The following TTN variants were observed in gnomAD, a reference collection of about 807,000 sequenced individuals.
TTN encodes connectin.
TTN carries 1,525 observed loss-of-function variants against 3,223.0 expected under a neutral mutation model. The observed-to-expected ratio is 0.47, with a 90% CI of 0.45 to 0.49. TTN has a LOEUF of 0.49. Ranked by LOEUF, TTN falls within the 20% of genes least tolerant of loss-of-function variation. The pLI, the probability that TTN is intolerant of heterozygous loss-of-function variation, is 0.00. For synonymous variants in TTN, 14,094 were observed against 15,161.0 expected (o/e 0.93, Z 5.17); for missense variants, 40,786 against 43,424.0 (o/e 0.94, Z 5.40).
chr2:178,769,666 T>TC lies in TTN; in HGVS notation c.8902+12_8902+13insG, dbSNP rs2091170311. ...ATATATGTGTATATATATATATATA[T>TC]TTTTTAACTTACGGGTGACTGTCAG... On this transcript the variant is annotated intron_variant, in intron 37 of 362. Transcript: ENST00000589042. 6.3e-7 allele frequency: 1 copy of TC among 1,582,114 alleles called. No individual in the cohort carries two copies. Among genetic ancestry groups the TC allele is most frequent in the Non-Finnish European group, 8.6e-7 (1 of 1,156,282 alleles).
At chr2:178,685,635 G>A (rs1164299979) in intron 127 of TTN, 37 bp from the exon 128 acceptor site, 11 of 1,588,044 alleles carry the variant, frequency 6.9e-6, no homozygotes, top group African/African-American at 1.3e-5. Flanking sequence ...ATAAATTACA[G>A]TGTTTTTCAT....
At position 178,568,452 on chromosome 2, in the gene TTN, G is replaced by A; in HGVS notation, c.77680C>T (p.Pro25894Ser). 1 of 1,613,278 alleles carries A rather than the reference G, an allele frequency of 6.2e-7. No homozygotes were observed. The highest frequency in any genetic ancestry group is 8.5e-7 in the Non-Finnish European group (1 of 1,179,552). Residue 25894 changes from proline (P) to serine (S), a missense_variant, in exon 326 of 363, where the codon CCA (proline) becomes TCA (serine). Pro to Ser is a moderately conservative substitution (Grantham distance 74). Coordinates refer to ENST00000589042, the MANE Select transcript of TTN (RefSeq NM_001267550.2). ...EIVTLDKPDP[P>S]KGPVKFDDVS... ...TCATCAAATTTAACAGGTCCTTTTG[G>A]AGGATCAGGTTTATCTAGAGTTACA...
chr2:178,687,446 G>A (rs1447407458), intron 127 of TTN, among the ~76,000 whole-genome samples: 2 of 146,112 alleles, frequency 1.4e-5, no homozygotes, highest in Non-Finnish European at 3.0e-5. Flanking sequence ...TGAGTAACAA[G>A]TCAGTCTGAT....
Position 178,712,437 on chromosome 2 carries a change from G to T in TTN, c.27485C>A (p.Thr9162Lys). 1 of 1,613,744 alleles carries T rather than the reference G, an allele frequency of 6.2e-7. No homozygotes were observed. Among genetic ancestry groups the T allele is most frequent in the South Asian group, 1.1e-5 (1 of 91,070 alleles). Residue 9162 changes from threonine to lysine, a missense_variant, in exon 95 of 363, where the codon ACG (threonine) becomes AAG (lysine). By Grantham distance (78) the Thr-to-Lys change is moderately conservative. Transcript: ENST00000589042. ...VTPSQRCNIT[T>K]TEKSAILEIP... ...TTCCAGGATTGCCGATTTTTCAGTC[G>T]TAGTTATATTACACCTCTGAGAAGG...
intron 240 of TTN, among the ~76,000 whole-genome samples, chr2:178,626,632 T>C (rs1004471091): frequency 6.6e-6 from 1 of 151,922 alleles, no homozygotes; most frequent in Non-Finnish European, 1.5e-5. Context: ...ATCTTAATAA[T>C]TGAGAGTGGC....
At chr2:178,671,924 T>C in intron 155 of TTN, 47 bp downstream of exon 155, 1 of 1,561,972 alleles carries the variant, frequency 6.4e-7, no homozygotes, top group South Asian at 1.2e-5. Flanking sequence ...CAAAGGAAAG[T>C]TAGAGCAAGA....
intron 47 of TTN, chr2:178,751,607 A>G: frequency 2.5e-6 from 4 of 1,613,190 alleles, no homozygotes; most frequent in Non-Finnish European, 2.5e-6. Flanking sequence ...CCCTTTTTGG[A>G]TAACAAGCAA....
In TTN at chr2:178,664,504, T is replaced by C; in HGVS notation, c.36236A>G (p.Lys12079Arg). 4 of 1,612,328 alleles carry C rather than the reference T, an allele frequency of 2.5e-6. No individual in the cohort carries two copies. Among genetic ancestry groups the C allele is most frequent in the Non-Finnish European group, 2.5e-6 (3 of 1,179,504 alleles). The change falls in exon 168 of 363, where the codon AAG (lysine) becomes AGG (arginine). Residue 12079 changes from lysine (K) to arginine (R), a missense_variant. Physicochemically the swap from Lys to Arg is conservative, Grantham distance 26. Transcript: ENST00000589042. ...PEALREVVPE[K>R]KVHPPQRAEV... is the part of the protein sequence containing the mutation. ...AGCCCTTTGGGGAGGATGCACTTTC[T>C]TTTCCGGGACAACTTCTCTGAGAGC...
rs1688350064 is a variant in TTN at position 178,530,001 on chromosome 2, G to A, written c.106490C>T (p.Ser35497Leu). 4.4e-6 allele frequency: 7 copies of A among 1,603,474 alleles called. No homozygotes were observed. Among genetic ancestry groups the A allele is most frequent in the Non-Finnish European group, 4.2e-6 (5 of 1,177,532 alleles). ...SGLYTCTVKN[S>L]AGSVSSSCKL... ...GCAGCTAGAGGACACAGATCCAGCT[G>A]AATTTTTTACTGTACAAGTATAAAG... Residue 35497 changes from serine (S) to leucine (L), a missense_variant, in exon 359 of 363, where the codon TCA (serine) becomes TTA (leucine). Ser to Leu is a moderately radical substitution (Grantham distance 145, BLOSUM62 -2). Coordinates refer to ENST00000589042, the MANE Select transcript of TTN (RefSeq NM_001267550.2).
rs2154137464 is a variant in TTN, at chr2:178,536,433, T to C, written c.100314A>G (p.Lys33438=). 1 of 1,612,866 alleles carries C rather than the reference T, an allele frequency of 6.2e-7. No individual in the cohort carries two copies. The highest frequency in any genetic ancestry group is 8.5e-7 in the Non-Finnish European group (1 of 1,179,224). The change falls in exon 357 of 363, where the codon AAA becomes AAG. Residue 33438 remains lysine, a synonymous_variant. Coordinates refer to ENST00000589042, the MANE Select transcript of TTN (RefSeq NM_001267550.2). ...TTTCTTCTGTTGTCACAGAAATCCA[T>C]TTATTCTGCTTCTTCTCACGCTTCT... ...YLEKREKKQN[K]WISVTTEEIR...
At chr2:178,613,622 A>G in intron 263 of TTN, 129 bp downstream of exon 263, 1 of 943,952 alleles carries the variant, frequency 1.1e-6, no homozygotes, top group Non-Finnish European at 1.5e-6. Flanking sequence ...GAGGTAATAG[A>G]AAATATGAGT....
chr2:178,778,792 C>T (rs1423685834), intron 24 of TTN, 82 bp downstream of exon 24: 3 of 1,590,196 alleles, frequency 1.9e-6, no homozygotes, highest in Non-Finnish European at 2.6e-6. Context: ...CGATTTTCTT[C>T]TTACACAATA....
At chr2:178,530,169 T>C in intron 358 of TTN, 53 bp from the exon 359 acceptor site, 3 of 1,565,634 alleles carry the variant, frequency 1.9e-6, no homozygotes, top group Non-Finnish European at 2.6e-6. Flanking sequence ...TTTAAGCTTT[T>C]TTTGGGAAGC....
chr2:178,610,045 T>C (rs778288903), intron 271 of TTN, 45 bp downstream of exon 271: 1 of 1,610,994 alleles, frequency 6.2e-7, no homozygotes, highest in East Asian at 2.2e-5. Context: ...AACAAAACTA[T>C]GGTTTATTAG....
Position 178,692,074 on chromosome 2 carries a change from C to T in TTN, c.31704G>A (p.Val10568=), listed in dbSNP as rs1560424685. The T allele has an allele frequency of 1.2e-6, 2 of 1,613,196 alleles. No homozygotes were observed. The highest frequency in any genetic ancestry group is 8.5e-7 in the Non-Finnish European group (1 of 1,179,360). ...CAGGAACTGGCTTTTTCTCCTCTGG[C>T]ACGGGTTTCTTGGGAACCTCAGGAA... ...PKVPEVPKKP[V]PEEKKPVPVP... The change falls in exon 121 of 363, where the codon GTG becomes GTA. Residue 10568 remains valine (V), a synonymous_variant. Coordinates refer to ENST00000589042, the MANE Select transcript of TTN (RefSeq NM_001267550.2).
Position 178,607,428 on chromosome 2 carries a change from A to G in TTN, c.53260T>C (p.Phe17754Leu), listed in dbSNP as rs397517612. 3.6e-4 allele frequency: 576 copies of G among 1,613,182 alleles called. 10 individuals are homozygous for G. In the South Asian group the frequency reaches 6.0e-3, roughly 17 times the overall value. The change falls in exon 277 of 363, where the codon TTT becomes CTT. Residue 17754 changes from phenylalanine (F) to leucine (L), a missense_variant. Coordinates refer to ENST00000589042, the MANE Select transcript of TTN (RefSeq NM_001267550.2). ...AAAACTTCTACCCTGGCTGCTGCAAATTTGGAACCACAGCTATTTGTAGCT... is the reference window on the plus strand; with the variant it reads ...AAAACTTCTACCCTGGCTGCTGCAAGTTTGGAACCACAGCTATTTGTAGCT... ...ITATNSCGSK[F>L]AAARVEVFDV...
chr2:178,721,879 T>C lies in TTN; in HGVS notation c.22784A>G (p.Lys7595Arg), dbSNP rs2078423913. 6.2e-7 allele frequency: 1 copy of C among 1,612,738 alleles called. No homozygotes were observed. Among genetic ancestry groups the C allele is most frequent in the Non-Finnish European group, 8.5e-7 (1 of 1,179,160 alleles). The part of the protein sequence containing the change: ...YTCQATNDVG[K>R]DMCSAQLSVK... ...ACTGAGCTGAGCTGAGCACATGTCT[T>C]TGCCAACATCATTGGTTGCTTGGCA... is the stretch of plus-strand genomic sequence containing the variant. The change falls in exon 78 of 363, where the codon AAA becomes AGA. Residue 7595 changes from lysine (K) to arginine (R), a missense_variant. Lys to Arg is a conservative substitution (Grantham distance 26, BLOSUM62 2). Coordinates refer to ENST00000589042, the MANE Select transcript of TTN (RefSeq NM_001267550.2).
intron 330 of TTN, chr2:178,556,587 A>T (rs1228898671): frequency 6.1e-6 from 3 of 488,660 alleles, no homozygotes; most frequent in African/African-American, 4.0e-5. Context: ...GCACCAACTC[A>T]TACAATCAAT....
In TTN at chr2:178,563,769, G is replaced by T; in HGVS notation, c.82363C>A (p.Pro27455Thr). ...MAVNKYGIGEPLESGPVTACN... is the reference protein window; with the variant it reads ...MAVNKYGIGETLESGPVTACN... ...GCCGTAACAGGCCCAGATTCCAAGG[G>T]CTCTCCAATTCCATATTTATTCACA... Residue 27455 changes from proline to threonine, a missense_variant, in exon 326 of 363, where the codon CCC becomes ACC. Transcript: ENST00000589042. This position sits in a 1 kb window ranked among gnomAD's most constrained non-coding sequence, Gnocchi z 4.5. The T allele has an allele frequency of 6.2e-7, 1 of 1,613,634 alleles. No homozygotes were observed. The highest frequency in any genetic ancestry group is 8.5e-7 in the Non-Finnish European group (1 of 1,179,742).
Sources: allele counts gnomAD v4.1 joint callset (sites outside exome capture counted in the v4.1 genomes callset), GRCh38; gene constraint gnomAD v4.1.1; non-coding constraint Gnocchi (gnomAD v3.1); transcripts MANE v1.5; gene names NCBI Gene and HGNC (gene_info 2026-07-23, HGNC 2026-07-21).